GPR142: variants seen among roughly 807,000 people sequenced by gnomAD.
GPR142 encodes G-protein coupled receptor 142 long form.
Under a neutral mutation model 10.6 loss-of-function variants are expected in GPR142, and 9 were observed. The observed-to-expected ratio is 0.85, with a 90% CI of 0.51 to 1.48. The LOEUF is 1.48. Among genes scored for constraint, GPR142 ranks in the 40% most tolerant of loss-of-function variants. GPR142 has a pLI of 0.00. For missense variants in GPR142, 482 were observed against 506.0 expected, an observed-to-expected ratio of 0.95 and a Z score of 0.45; for synonymous variants, 202 against 221.2, an observed-to-expected ratio of 0.91 and a Z score of 0.77.
chr17:74,370,386 TG>T, intron 2 of GPR142, 134 bp from the exon 3 acceptor site: 1 of 810,498 alleles, frequency 1.2e-6, no homozygotes, highest in Middle Eastern at 2.6e-4. Flanking sequence ...CAACAGACAG[TG>T]CACTCAGCTG....
intron 3 of GPR142, 130 bp downstream of exon 3, chr17:74,370,809 T>C (rs1216593203): frequency 4.5e-6 from 4 of 894,884 alleles, no homozygotes; most frequent in Non-Finnish European, 3.3e-6. Context: ...TCCTTGCCAT[T>C]GTCAGGGTGT....
At chr17:74,369,737 C>G in intron 2 of GPR142, 103 bp downstream of exon 2, 1 of 1,237,294 alleles carries the variant, frequency 8.1e-7, no homozygotes, top group East Asian at 2.7e-5. Context: ...GGGGCCAAAG[C>G]TGAGAGTGAG....
At chr17:74,368,448 G>A (rs2054997883) in intron 1 of GPR142, among the ~76,000 whole-genome samples, 2 of 152,286 alleles carry the variant, frequency 1.3e-5, no homozygotes, top group African/African-American at 4.8e-5. Flanking sequence ...GGCCACCAGG[G>A]GGCAGCAGGG....
intron 1 of GPR142, 147 bp from the exon 2 acceptor site, chr17:74,369,321 C>A: frequency 1.5e-6 from 1 of 665,848 alleles, no homozygotes; most frequent in South Asian, 1.9e-5. Context: ...AAGCTGAAGC[C>A]CCTGCCCAGC....
In GPR142 at chr17:74,369,532, C is replaced by T; in HGVS notation, c.-9C>T. ...TTGGAGAGCCAAGGGGTGAGAGGTA[C>T]AGCTGGCGATGCTGACAGGGAGCTG... On this transcript the variant is annotated 5_prime_UTR_variant, in exon 2 of 4. Transcript: ENST00000582579. 6.4e-7 allele frequency: 1 copy of T among 1,557,662 alleles called. No homozygotes were observed. The highest frequency in any genetic ancestry group is 8.7e-7 in the Non-Finnish European group (1 of 1,150,102).
Position 74,371,983 on chromosome 17 carries a change from A to G in GPR142, c.508A>G (p.Thr170Ala), listed in dbSNP as rs773156101. ...CATCCTGCTCACGGTTGACCGCTAC[A>G]CTGCCCTGTGCCACCCCCTGCACCA... ...IAILLTVDRY[T>A]ALCHPLHHRA... The change falls in exon 4 of 4, where the codon ACT becomes GCT. Residue 170 changes from threonine (T) to alanine (A), a missense_variant. Coordinates refer to ENST00000582579, the MANE Select transcript of GPR142 (RefSeq NM_001331076.1). 1 of 1,612,848 alleles carries G rather than the reference A, an allele frequency of 6.2e-7. No homozygotes were observed. The highest frequency in any genetic ancestry group is 1.7e-5 in the Admixed American group (1 of 60,010).
chr17:74,368,030 C>T (rs1359444940), intron 1 of GPR142, among the ~76,000 whole-genome samples: 2 of 152,180 alleles, frequency 1.3e-5, no homozygotes, highest in Non-Finnish European at 2.9e-5. Flanking sequence ...CCTGTAATCC[C>T]AGCTCTTTGA....
At chr17:74,371,232 T>C (rs2055022325) in intron 3 of GPR142, among the ~76,000 whole-genome samples, 3 of 146,490 alleles carry the variant, frequency 2.0e-5, no homozygotes, top group Non-Finnish European at 4.5e-5. Flanking sequence ...TCTCGGCTCA[T>C]TGCAGCCTCC....
chr17:74,371,783 C>T lies in GPR142; in HGVS notation c.308C>T (p.Pro103Leu), dbSNP rs1485335558. 6.2e-6 allele frequency: 10 copies of T among 1,612,396 alleles called. No individual in the cohort carries two copies. The highest frequency in any genetic ancestry group is 1.6e-4 in the Middle Eastern group (1 of 6,082). Residue 103 changes from proline (P) to leucine (L), a missense_variant, in exon 4 of 4, where the codon CCC (proline) becomes CTC (leucine). By Grantham distance (98) the Pro-to-Leu change is moderately conservative. Coordinates refer to ENST00000582579, the MANE Select transcript of GPR142 (RefSeq NM_001331076.1). Reference sequence around the variant, plus strand: ...CGCCTTGCCACCAGGACCAGGAGGCCCTCCTACTACTACCTTCTGGCGCTC... The same window carrying T: ...CGCCTTGCCACCAGGACCAGGAGGCTCTCCTACTACTACCTTCTGGCGCTC... ...LARLATRTRR[P>L]SYYYLLALTA...
chr17:74,370,408 G>C, intron 2 of GPR142, 113 bp from the exon 3 acceptor site: 1 of 1,105,958 alleles, frequency 9.0e-7, no homozygotes, highest in Non-Finnish European at 1.2e-6. Context: ...GGTCTGACTA[G>C]AGGGTCTGCA....
Position 74,371,969 on chromosome 17 carries a change from C to G in GPR142, c.494C>G (p.Thr165Arg), listed in dbSNP as rs756581478. The change falls in exon 4 of 4, where the codon ACG (threonine) becomes AGG (arginine). Residue 165 changes from threonine (T) to arginine (R), a missense_variant. Physicochemically the swap from Thr to Arg is moderately conservative, Grantham distance 71. Coordinates refer to ENST00000582579, the MANE Select transcript of GPR142 (RefSeq NM_001331076.1). ...TCAGTCTGGATCGCCATCCTGCTCA[C>G]GGTTGACCGCTACACTGCCCTGTGC... Reference protein sequence around the residue: ...HASVWIAILLTVDRYTALCHP... With the variant: ...HASVWIAILLRVDRYTALCHP... 1 of 1,612,758 alleles carries G rather than the reference C, an allele frequency of 6.2e-7. No individual in the cohort carries two copies. The highest frequency in any genetic ancestry group is 8.5e-7 in the Non-Finnish European group (1 of 1,179,968).
chr17:74,369,445 C>T (rs1168273334), intron 1 of GPR142, 23 bp from the exon 2 acceptor site: 28 of 1,552,076 alleles, frequency 1.8e-5, no homozygotes, highest in South Asian at 1.5e-4. Context: ...CTCCTTCCCC[C>T]GCCCCGCCCC....
chr17:74,370,433 T>A, intron 2 of GPR142, 88 bp from the exon 3 acceptor site: 1 of 1,410,088 alleles, frequency 7.1e-7, no homozygotes, highest in Non-Finnish European at 9.6e-7. Context: ...GCAGGGTGAC[T>A]AGAAAGACCC....
intron 2 of GPR142, among the ~76,000 whole-genome samples, chr17:74,369,940 T>C (rs11653674): frequency 0.72 from 108,763 of 151,904 alleles, 39,272 homozygotes; most frequent in South Asian, 0.75. Context: ...GTGCTCACCT[T>C]TGAAGAGGGT....
rs773235326 is a variant in GPR142 at position 74,370,538 on chromosome 17, A to G, written c.112A>G (p.Thr38Ala). Reference protein sequence around the residue: ...GRETAGQPRVTLLPTPHVSGL... With the variant: ...GRETAGQPRVALLPTPHVSGL... ...CCTTCTAGCTGGCCAGCCACGAGTG[A>G]CCCTGCTGCCCACGCCCCACGTCAG... is the stretch of plus-strand genomic sequence containing the variant. The change falls in exon 3 of 4, where the codon ACC becomes GCC. Residue 38 changes from threonine to alanine, a missense_variant. Thr to Ala is a moderately conservative substitution (Grantham distance 58, BLOSUM62 0). Coordinates refer to ENST00000582579, the MANE Select transcript of GPR142 (RefSeq NM_001331076.1). The G allele has an allele frequency of 6.2e-7, 1 of 1,611,940 alleles. No homozygotes were observed. Among genetic ancestry groups the G allele is most frequent in the Admixed American group, 1.7e-5 (1 of 59,762 alleles).
rs1171184280 is a variant in GPR142, at chr17:74,371,745, A to G, written c.270A>G (p.Ala90=). The change falls in exon 4 of 4, where the codon GCA becomes GCG. Residue 90 remains alanine (A), a synonymous_variant. Coordinates refer to ENST00000582579, the MANE Select transcript of GPR142 (RefSeq NM_001331076.1). Reference sequence around the variant, plus strand: ...TGCCCTCAGTCAGCCTCCTGACCGCAGTGGCCCTGGCGCGCCTTGCCACCA... The same window carrying G: ...TGCCCTCAGTCAGCCTCCTGACCGCGGTGGCCCTGGCGCGCCTTGCCACCA... ...GLGLPVSLLT[A]VALARLATRT... is the part of the protein sequence containing the mutation. 1 of 1,603,294 alleles carries G rather than the reference A, an allele frequency of 6.2e-7. No individual in the cohort carries two copies. Among genetic ancestry groups the G allele is most frequent in the Non-Finnish European group, 8.5e-7 (1 of 1,175,154 alleles).
At chr17:74,368,753 AT>A (rs1350879672) in intron 1 of GPR142, among the ~76,000 whole-genome samples, 1 of 152,068 alleles carries the variant, frequency 6.6e-6, no homozygotes, top group Non-Finnish European at 1.5e-5. Context: ...GCTGTTGTTT[AT>A]TTGCCAGGGA....
Position 74,371,959 on chromosome 17 carries a change from A to G in GPR142, c.484A>G (p.Ile162Val), listed in dbSNP as rs1054138645. ...AANHASVWIA[I>V]LLTVDRYTAL... ...CAACCACGCCTCAGTCTGGATCGCC[A>G]TCCTGCTCACGGTTGACCGCTACAC... Residue 162 changes from isoleucine to valine, a missense_variant, in exon 4 of 4, where the codon ATC becomes GTC. Physicochemically the swap from Ile to Val is conservative, Grantham distance 29 (BLOSUM62 3). Transcript: ENST00000582579. 8.7e-6 allele frequency: 14 copies of G among 1,612,686 alleles called. No homozygotes were observed. The highest frequency in any genetic ancestry group is 2.2e-5 in the South Asian group (2 of 91,072).
In GPR142 at chr17:74,369,625, CGA is replaced by C; in HGVS notation, c.90_91del (p.Glu30AspfsTer23). 2 of 1,546,426 alleles carry C rather than the reference CGA, an allele frequency of 1.3e-6. No individual in the cohort carries two copies. Among genetic ancestry groups the C allele is most frequent in the Middle Eastern group, 3.4e-4 (2 of 5,956 alleles). On this transcript the variant is annotated frameshift_variant, in exon 2 of 4. Coordinates refer to ENST00000582579, the MANE Select transcript of GPR142 (RefSeq NM_001331076.1). LOFTEE classifies it high-confidence loss of function. ...SGPQSMGLEG[R>X]ETAGQPRVTL... ...GCCCCAGAGCATGGGGCTTGAGGGA[CGA>C]GAGACAGGTAAGGCATCTTGAAGTG...
Sources: allele counts gnomAD v4.1 joint callset (sites outside exome capture counted in the v4.1 genomes callset), GRCh38; gene constraint gnomAD v4.1.1; transcripts MANE v1.5; gene names NCBI Gene and HGNC (gene_info 2026-07-23, HGNC 2026-07-21).